The following DCLK2 variants were observed in gnomAD, a reference collection of about 807,000 sequenced individuals.
DCLK2 encodes the protein serine/threonine-protein kinase DCLK2.
In DCLK2, 31 loss-of-function variants were observed where a neutral mutation model predicts 78.4. That is an observed-to-expected ratio of 0.40 (90% CI 0.30 to 0.53). The LOEUF (loss-of-function observed/expected upper bound fraction) is 0.53. DCLK2 is among the 20% of genes least tolerant of loss of function. DCLK2 has a pLI of 0.61. For missense variants in DCLK2, 872 were observed against 973.7 expected (o/e 0.90, Z 1.39); for synonymous variants, 407 against 374.9 (o/e 1.09, Z -0.99).
intron 5 of DCLK2, among the ~76,000 whole-genome samples, chr4:150,215,481 T>C (rs1487217407): frequency 6.6e-6 from 1 of 152,182 alleles, no homozygotes; most frequent in Non-Finnish European, 1.5e-5. Flanking sequence ...CACTGAACAC[T>C]TCACTGTACT....
At chr4:150,198,942 T>C in intron 4 of DCLK2, 1 of 525,014 alleles carries the variant, frequency 1.9e-6, no homozygotes, top group South Asian at 1.7e-5. Context: ...GGGCAGGTCG[T>C]TTTACCCTTT....
rs1553964240 is a variant in DCLK2 at position 150,175,086 on chromosome 4, A to ATATATG, written c.757-18047_757-18046insGTATAT. On this transcript the variant is annotated intron_variant, in intron 2 of 15. Transcript: ENST00000296550. ...TATTTATATATATTTATATATTTAT[A>ATATATG]TATATATTTATATATATTTATATAT... Among the ~76,000 whole-genome samples the ATATATG allele has an allele frequency of 5.3e-5, 2 of 38,020 alleles. 1 individual carries two copies. The highest frequency in any genetic ancestry group is 8.3e-5 in the Non-Finnish European group (2 of 24,014). The allele number at this position is 38,020 out of a possible 152,430, so 24.9% of individuals were successfully genotyped here. A position where few individuals can be genotyped will look rare whatever the true frequency, so the allele number is the denominator to read the frequency against.
chr4:150,244,468 G>A (rs1251333356), intron 12 of DCLK2, among the ~76,000 whole-genome samples: 1 of 152,178 alleles, frequency 6.6e-6, no homozygotes, highest in Non-Finnish European at 1.5e-5. Context: ...AACATTTTCA[G>A]GTTTACCTTT....
intron 15 of DCLK2, 76 bp downstream of exon 15, chr4:150,249,760 C>T: frequency 1.7e-6 from 2 of 1,198,998 alleles, no homozygotes; most frequent in East Asian, 2.3e-5. Flanking sequence ...CCGGGAGCTG[C>T]CCTCACATGG....
intron 2 of DCLK2, among the ~76,000 whole-genome samples, chr4:150,142,372 T>A (rs1734167499): frequency 6.6e-6 from 1 of 152,210 alleles, no homozygotes; most frequent in African/African-American, 2.4e-5. Context: ...CTCTGAAGGG[T>A]AATGGTACAT....
intron 5 of DCLK2, among the ~76,000 whole-genome samples, chr4:150,217,606 A>G (rs948442144): frequency 6.6e-6 from 1 of 152,228 alleles, no homozygotes; most frequent in Non-Finnish European, 1.5e-5. Flanking sequence ...ACATCTGAGC[A>G]GTAATAATGA....
At chr4:150,152,219 A>G (rs554867293) in intron 2 of DCLK2, among the ~76,000 whole-genome samples, 22 of 140,516 alleles carry the variant, frequency 1.6e-4, no homozygotes, top group African/African-American at 5.4e-4. Context: ...TTAAATAACA[A>G]AACCCAGTGA....
chr4:150,214,953 C>CAAA (rs60156550), intron 5 of DCLK2, among the ~76,000 whole-genome samples: 2 of 86,462 alleles, frequency 2.3e-5, no homozygotes, highest in East Asian at 3.8e-4. Flanking sequence ...CAGAGTGTCT[C>CAAA]AAAAAAAAAA....
chr4:150,195,928 G>A (rs1255248861), intron 3 of DCLK2, among the ~76,000 whole-genome samples: 4 of 151,968 alleles, frequency 2.6e-5, no homozygotes, highest in Admixed American at 2.6e-4. Context: ...ATAGTAATAT[G>A]CGTCCACTGC....
chr4:150,220,963 C>T (rs935313941), intron 6 of DCLK2, among the ~76,000 whole-genome samples, 185 bp downstream of exon 6: 1 of 152,314 alleles, frequency 6.6e-6, no homozygotes, highest in South Asian at 2.1e-4. Context: ...AGAAAAATCT[C>T]ATTGTCATTA....
chr4:150,134,887 A>C (rs987225982), intron 2 of DCLK2, among the ~76,000 whole-genome samples: 2 of 151,844 alleles, frequency 1.3e-5, no homozygotes, highest in African/African-American at 4.8e-5. Flanking sequence ...GCAGTGTTCC[A>C]TTTCACTGAG....
At chr4:150,205,781 A>G (rs1258367722) in intron 5 of DCLK2, among the ~76,000 whole-genome samples, 1 of 152,252 alleles carries the variant, frequency 6.6e-6, no homozygotes, top group Non-Finnish European at 1.5e-5. Flanking sequence ...TGTTAACGCA[A>G]AAGCGAGTGG....
At chr4:150,187,620 A>C (rs1288568022) in intron 2 of DCLK2, among the ~76,000 whole-genome samples, 2 of 152,142 alleles carry the variant, frequency 1.3e-5, no homozygotes, top group African/African-American at 4.8e-5. Context: ...AATGAGGTCA[A>C]TAATTTTTGT....
Position 150,086,635 on chromosome 4 carries a change from T to C in DCLK2, c.421+7187T>C, listed in dbSNP as rs187697691. 3.8e-3 allele frequency among the ~76,000 whole-genome samples: 580 copies of C among 151,902 alleles called. 4 individuals carry two copies. The highest frequency in any genetic ancestry group is 0.013 in the African/African-American group (527 of 41,404). The stretch of plus-strand genomic sequence containing the variant: ...CATTCTCCTGCCTCAGCCTACCGAG[T>C]AGCTGGGACTACAGGCGCCCACCAC... On this transcript the variant is annotated intron_variant, in intron 1 of 15. Coordinates refer to ENST00000296550, the MANE Select transcript of DCLK2 (RefSeq NM_001040260.4).
At chr4:150,181,802 C>T (rs531302112) in intron 2 of DCLK2, among the ~76,000 whole-genome samples, 1 of 152,268 alleles carries the variant, frequency 6.6e-6, no homozygotes, top group East Asian at 1.9e-4. Flanking sequence ...TTCTAAGTAG[C>T]TTTCTTCTTC....
Position 150,129,457 on chromosome 4 carries a change from A to G in DCLK2, c.756+26645A>G, listed in dbSNP as rs553032715. Among the ~76,000 whole-genome samples, 13 of 152,238 alleles carry G rather than the reference A, an allele frequency of 8.5e-5. No homozygotes were observed. In the South Asian group the frequency reaches 2.7e-3, roughly 32 times the overall value. On this transcript the variant is annotated intron_variant, in intron 2 of 15. Coordinates refer to ENST00000296550, the MANE Select transcript of DCLK2 (RefSeq NM_001040260.4). ...TTTTAATGGCCAGGCGCCGTGGCTT[A>G]TGCCTGTAATCCCAGCACTTTGGGA...
At chr4:150,160,432 T>C (rs982245747) in intron 2 of DCLK2, among the ~76,000 whole-genome samples, 4 of 152,214 alleles carry the variant, frequency 2.6e-5, no homozygotes, top group African/African-American at 9.7e-5. Flanking sequence ...TCAAGCACCA[T>C]GTTGATCAGG....
chr4:150,107,496 G>A (rs1002660150), intron 2 of DCLK2, among the ~76,000 whole-genome samples: 4 of 149,580 alleles, frequency 2.7e-5, no homozygotes, highest in Non-Finnish European at 5.9e-5. Flanking sequence ...CCCACTTCAA[G>A]TTCCTGAGTA....
intron 5 of DCLK2, among the ~76,000 whole-genome samples, chr4:150,215,812 G>A (rs774558407): frequency 5.9e-5 from 9 of 152,206 alleles, no homozygotes; most frequent in Non-Finnish European, 1.0e-4. Flanking sequence ...AGCATTCCTG[G>A]CTTCAGGGTA....
Sources: allele counts gnomAD v4.1 joint callset (sites outside exome capture counted in the v4.1 genomes callset), GRCh38; gene constraint gnomAD v4.1.1; transcripts MANE v1.5; gene names NCBI Gene and HGNC (gene_info 2026-07-23, HGNC 2026-07-21).